The following LTBP4 variants were observed in gnomAD, a reference collection of about 807,000 sequenced individuals.
The protein encoded by LTBP4 is latent transforming growth factor beta binding protein 4.
Under a neutral mutation model 180.2 loss-of-function variants are expected in LTBP4, and 93 were observed. That is an observed-to-expected ratio of 0.52 (90% confidence interval 0.44 to 0.61). LTBP4 has a LOEUF of 0.61. LTBP4 is among the 20% of genes least tolerant of loss of function. The pLI is 0.00. For synonymous variants in LTBP4, 947 were observed against 934.5 expected (o/e 1.01, Z -0.24); for missense variants, 2,116 against 2,256.5 (o/e 0.94, Z 1.26).
At chr19:40,599,621 C>T, upstream of LTBP4, 2 of 1,503,794 alleles carry the variant, frequency 1.3e-6, no homozygotes, top group African/African-American at 1.4e-5. Flanking sequence ...CCCCCGTTTC[C>T]GCTCCTCCTC....
Position 40,605,028 on chromosome 19 carries a change from CTCCCA to C in LTBP4, c.251-6_251-2del. On this transcript the variant is annotated splice_acceptor_variant and splice_polypyrimidine_tract_variant and intron_variant, in intron 1 of 29. Coordinates refer to ENST00000396819, the MANE Select transcript of LTBP4 (RefSeq NM_001042545.2). LOFTEE classifies it high-confidence loss of function. The surrounding 1 kb of genome is among the most constrained non-coding windows in gnomAD (Gnocchi z 5.5). Reference sequence around the variant, plus strand: ...GGCGCCCCTGAGTGTCCTCGTTCTCCTCCCAGTCCTGTGTCCCTTGATCTGTCACA... The same window carrying C: ...GGCGCCCCTGAGTGTCCTCGTTCTCCGTCCTGTGTCCCTTGATCTGTCACA... 8.1e-6 allele frequency: 13 copies of C among 1,602,008 alleles called. No individual in the cohort carries two copies. Among genetic ancestry groups the C allele is most frequent in the South Asian group, 6.6e-5 (6 of 90,620 alleles).
rs922415792 is a variant in LTBP4, at chr19:40,601,528, T to C, written c.141T>C (p.His47=). The C allele has an allele frequency of 1.5e-5, 23 of 1,492,780 alleles. No homozygotes were observed. The African/African-American group carries it at 2.9e-4, about 19-fold the overall frequency. 92.5% of individuals were successfully genotyped at this position (1,492,780 alleles called of 1,614,324 possible). Residue 47 remains histidine (H), a synonymous_variant, in exon 1 of 30, where the codon CAT becomes CAC. Transcript: ENST00000396819. ...TPVVCGLRCV[H]GPTGSRCTPT... is the part of the protein sequence containing the mutation. The stretch of plus-strand genomic sequence containing the variant: ...TCGTGTGCGGCCTGCGCTGCGTCCA[T>C]GGGCCGACCGGCTCCCGCTGTACCC...
rs369057047 is a variant in LTBP4 at position 40,617,229 on chromosome 19, C to T, written c.3070+4C>T. ...CGGGATGGGCGTCACTGCGTGGGTA[C>T]GGGACTTCAGGAGGTGGATGGGACC... On this transcript the variant is annotated splice_donor_region_variant and intron_variant, in intron 21 of 29. Transcript: ENST00000396819. 172 of 1,609,490 alleles carry T rather than the reference C, an allele frequency of 1.1e-4. No individual in the cohort carries two copies. In the African/African-American group the frequency reaches 1.1e-3, roughly 10 times the overall value.
intron 7 of LTBP4, 133 bp downstream of exon 7, chr19:40,607,662 T>C: frequency 9.9e-7 from 1 of 1,005,374 alleles, no homozygotes; most frequent in Non-Finnish European, 1.4e-6. Flanking sequence ...CAGCAGCCTC[T>C]GAGACCCGCA....
chr19:40,614,366 G>C lies in LTBP4; in HGVS notation c.2732G>C (p.Cys911Ser), dbSNP rs766287114. 7 of 1,600,482 alleles carry C rather than the reference G, an allele frequency of 4.4e-6. No individual in the cohort carries two copies. The Admixed American group carries it at 1.2e-4, about 27-fold the overall frequency. The change falls in exon 19 of 30, where the codon TGT (cysteine) becomes TCT (serine). Residue 911 changes from cysteine to serine, a missense_variant. Transcript: ENST00000396819. Reference sequence around the variant, plus strand: ...CCAGCCCTGTGCGGGTCGCAGCGCTGTGAGAACTCTCCCGGCTCCTACCGC... The same window carrying C: ...CCAGCCCTGTGCGGGTCGCAGCGCTCTGAGAACTCTCCCGGCTCCTACCGC... ...RGPALCGSQR[C>S]ENSPGSYRCV...
chr19:40,613,370 C>T lies in LTBP4; in HGVS notation c.2432-34C>T, dbSNP rs1012045660. On this transcript the variant is annotated intron_variant, in intron 16 of 29. Transcript: ENST00000396819. The surrounding 1 kb of genome is among the most constrained non-coding windows in gnomAD (Gnocchi z 5.0). ...GCGGAGCTTGTCTGGGAGGCCGGGTCCCGTGACTCCGCCCAATCTCCCGCG... is the reference window on the plus strand; with the variant it reads ...GCGGAGCTTGTCTGGGAGGCCGGGTTCCGTGACTCCGCCCAATCTCCCGCG... 3 of 1,595,834 alleles carry T rather than the reference C, an allele frequency of 1.9e-6. No individual in the cohort carries two copies. In the African/African-American group the frequency reaches 4.0e-5, roughly 21 times the overall value.
chr19:40,620,519 T>C (rs2081579148), intron 22 of LTBP4, among the ~76,000 whole-genome samples: 1 of 151,922 alleles, frequency 6.6e-6, no homozygotes, highest in Admixed American at 6.6e-5. Flanking sequence ...CTGAAGGCCA[T>C]AATCCCAGCT....
At chr19:40,597,088 G>T, upstream of LTBP4, 1 of 752,078 alleles carries the variant, frequency 1.3e-6, no homozygotes, top group Non-Finnish European at 1.8e-6. Flanking sequence ...GGCTGTGATT[G>T]GCGGGAAGTT....
At position 40,614,010 on chromosome 19, in the gene LTBP4, C is replaced by G; in HGVS notation, c.2652C>G (p.Arg884=). The G allele has an allele frequency of 1.2e-6, 2 of 1,613,354 alleles. No individual in the cohort carries two copies. Among genetic ancestry groups the G allele is most frequent in the Non-Finnish European group, 1.7e-6 (2 of 1,179,760 alleles). The change falls in exon 18 of 30, where the codon CGC becomes CGG. Residue 884 remains arginine (R), a synonymous_variant. Transcript: ENST00000396819. ...SFECICPPGH[R]AGPDLASCLD... Reference sequence around the variant, plus strand: ...AGTGCATCTGTCCTCCGGGACACCGCGCTGGCCCGGACCTCGCCTCCTGCC... The same window carrying G: ...AGTGCATCTGTCCTCCGGGACACCGGGCTGGCCCGGACCTCGCCTCCTGCC...
Position 40,613,775 on chromosome 19 carries a change from T to A in LTBP4, c.2558-141T>A, listed in dbSNP as rs1381052065. The A allele has an allele frequency of 1.5e-6, 2 of 1,363,758 alleles. No individual in the cohort carries two copies. Among genetic ancestry groups the A allele is most frequent in the Non-Finnish European group, 2.0e-6 (2 of 987,148 alleles). The allele number at this position is 1,363,758 out of a possible 1,614,324, so 84.5% of individuals were successfully genotyped here. On this transcript the variant is annotated intron_variant, in intron 17 of 29. Coordinates refer to ENST00000396819, the MANE Select transcript of LTBP4 (RefSeq NM_001042545.2). This position sits in a 1 kb window ranked among gnomAD's most constrained non-coding sequence, Gnocchi z 5.0. Reference sequence around the variant, plus strand: ...GTTCTAAACCCGTCGGGGGGCGGTGTTTGCAGGGAGGGAAGTAGCGTGAGG... The same window carrying A: ...GTTCTAAACCCGTCGGGGGGCGGTGATTGCAGGGAGGGAAGTAGCGTGAGG...
Position 40,613,071 on chromosome 19 carries a change from A to G in LTBP4, c.2306A>G (p.Asp769Gly). The change falls in exon 16 of 30, where the codon GAC becomes GGC. Residue 769 changes from aspartate to glycine, a missense_variant. This residue lies in a region of LTBP4 where 877 missense variants were observed against 873.6 expected (regional missense o/e 1.00). Transcript: ENST00000396819. This position sits in a 1 kb window ranked among gnomAD's most constrained non-coding sequence, Gnocchi z 5.0. ...ACACCCCCACCCCCCACAGATGTGG[A>G]CGAATGCAGTTCGGGTGCCCCTCCC... ...HLHRGRCTDV[D>G]ECSSGAPPCG... 4.3e-6 allele frequency: 7 copies of G among 1,611,958 alleles called. No homozygotes were observed. Among genetic ancestry groups the G allele is most frequent in the South Asian group, 1.1e-5 (1 of 90,506 alleles).
chr19:40,622,648 G>A lies in LTBP4; in HGVS notation c.3465G>A (p.Gln1155=). ...EGWGSGCRIQ[Q]CPGTETAEYQ... ...GGGGCAGCGGCTGCCGCATCCAGCAGTGCCCGGGCACCGAGACAGGTGGGC... is the reference window on the plus strand; with the variant it reads ...GGGGCAGCGGCTGCCGCATCCAGCAATGCCCGGGCACCGAGACAGGTGGGC... Residue 1155 remains glutamine (Q), a synonymous_variant, in exon 23 of 30, where the codon CAG becomes CAA. Coordinates refer to ENST00000396819, the MANE Select transcript of LTBP4 (RefSeq NM_001042545.2). The surrounding 1 kb of genome is among the most constrained non-coding windows in gnomAD (Gnocchi z 5.1). 6.2e-7 allele frequency: 1 copy of A among 1,605,168 alleles called. No individual in the cohort carries two copies. Among genetic ancestry groups the A allele is most frequent in the Non-Finnish European group, 8.5e-7 (1 of 1,175,108 alleles).
rs1599880862 is a variant in LTBP4, at chr19:40,627,771, A to G, written c.4433A>G (p.Asn1478Ser). ...EECGILDGCT[N>S]GRCVRVPEGF... is the part of the protein sequence containing the mutation. ...TGCGGGATCCTGGACGGCTGCACCA[A>G]CGGCCGCTGCGTGCGCGTCCCCGAA... The change falls in exon 29 of 30, where the codon AAC becomes AGC. Residue 1478 changes from asparagine (N) to serine (S), a missense_variant. Physicochemically the swap from Asn to Ser is conservative, Grantham distance 46. Around this residue, in one of 5 missense-constraint regions of LTBP4, gnomAD observed 488 missense variants for 458.8 expected, o/e 1.06. Transcript: ENST00000396819. The G allele has an allele frequency of 6.3e-7, 1 of 1,583,762 alleles. No homozygotes were observed. Among genetic ancestry groups the G allele is most frequent in the Non-Finnish European group, 8.6e-7 (1 of 1,168,226 alleles).
intron 24 of LTBP4, 55 bp from the exon 25 acceptor site, chr19:40,623,548 CT>C: frequency 6.3e-7 from 1 of 1,576,678 alleles, no homozygotes; most frequent in East Asian, 2.3e-5. Flanking sequence ...ACGTCATGCC[CT>C]CACACACTCC....
upstream of LTBP4, chr19:40,599,458 T>G (rs2081408566): frequency 6.2e-7 from 1 of 1,613,880 alleles, no homozygotes; most frequent in Non-Finnish European, 8.5e-7. Context: ...CCAAAAAGTG[T>G]GCAGGCCCCC....
Position 40,629,719 on chromosome 19 carries a change from C to A in LTBP4, c.*169C>A. Reference sequence around the variant, plus strand: ...CCTGCACTGCTCCCGCCTCCACCAGCGCCTCCCACTGATGTCGTGGTCCCG... The same window carrying A: ...CCTGCACTGCTCCCGCCTCCACCAGAGCCTCCCACTGATGTCGTGGTCCCG... On this transcript the variant is annotated 3_prime_UTR_variant, in exon 30 of 30. Coordinates refer to ENST00000396819, the MANE Select transcript of LTBP4 (RefSeq NM_001042545.2). The surrounding 1 kb of genome is among the most constrained non-coding windows in gnomAD (Gnocchi z 4.5). The A allele has an allele frequency of 3.4e-6, 2 of 582,222 alleles. No individual in the cohort carries two copies. Among genetic ancestry groups the A allele is most frequent in the Non-Finnish European group, 5.0e-6 (2 of 400,248 alleles). 36.1% of individuals were successfully genotyped at this position (582,222 alleles called of 1,614,324 possible).
At position 40,607,444 on chromosome 19, in the gene LTBP4, G is replaced by C. The variant is rs780903263; in HGVS notation, c.1071G>C (p.Arg357=). The change falls in exon 7 of 30, where the codon CGG becomes CGC. Residue 357 remains arginine, a synonymous_variant. Coordinates refer to ENST00000396819, the MANE Select transcript of LTBP4 (RefSeq NM_001042545.2). The part of the protein sequence containing the change: ...RDGGCSLPIL[R]NITKQICCCS... The stretch of plus-strand genomic sequence containing the variant: ...GCGGCTGTTCGCTGCCCATTCTGCG[G>C]AACATCACTAAACAGATCTGCTGCT... 6.2e-7 allele frequency: 1 copy of C among 1,613,498 alleles called. No individual in the cohort carries two copies. The highest frequency in any genetic ancestry group is 1.7e-5 in the Admixed American group (1 of 59,980).
In LTBP4 at chr19:40,613,620, G is replaced by A. The variant is rs2081524665; in HGVS notation, c.2557+91G>A. 24 of 1,530,486 alleles carry A rather than the reference G, an allele frequency of 1.6e-5. No individual in the cohort carries two copies. Among genetic ancestry groups the A allele is most frequent in the Non-Finnish European group, 2.0e-5 (23 of 1,140,586 alleles). The allele number at this position is 1,530,486 out of a possible 1,614,324, so 94.8% of individuals were successfully genotyped here. ...GAGAAGAGGGCGAAAAGGGGAAAAC[G>A]AGTTTTTAGCCGGGGTATTCCAGCA... On this transcript the variant is annotated intron_variant, in intron 17 of 29. Transcript: ENST00000396819. The surrounding 1 kb of genome is among the most constrained non-coding windows in gnomAD (Gnocchi z 5.0).
rs370261250 is a variant in LTBP4, at chr19:40,626,031, G to C, written c.3985+22G>C. 744 of 1,569,996 alleles carry C rather than the reference G, an allele frequency of 4.7e-4. 6 individuals are homozygous for C. The South Asian group carries it at 8.3e-3, about 18-fold the overall frequency. On this transcript the variant is annotated intron_variant, in intron 27 of 29. Coordinates refer to ENST00000396819, the MANE Select transcript of LTBP4 (RefSeq NM_001042545.2). The stretch of plus-strand genomic sequence containing the variant: ...TCAGGTGCTGGCACTGGCCTAGGCT[G>C]AACTCAGAGGCCTTGCCCCATGGGC...
Sources: gnomAD v4.1 joint callset for allele counts (sites outside exome capture counted in the v4.1 genomes callset) on GRCh38, gnomAD v4.1.1 for gene constraint, gnomAD v4.1.1 regional missense constraint, Gnocchi (gnomAD v3.1) non-coding constraint, MANE v1.5 for transcripts, NCBI Gene and HGNC (gene_info 2026-07-23, HGNC 2026-07-21) for gene names.